Variants in LEKR1 observed in about 807,000 individuals in gnomAD.
LEKR1 encodes protein LEKR1.
A neutral mutation model predicts 72.4 loss-of-function variants in LEKR1; 59 were observed. The ratio of observed to expected loss-of-function variants is 0.82; its 90% CI spans 0.66 to 1.01. The LOEUF (loss-of-function observed/expected upper bound fraction) is 1.01. Ranked by LOEUF, LEKR1 falls within the 50% of genes least tolerant of loss-of-function variation. LEKR1 has a pLI of 0.00. For missense variants in LEKR1, 728 were observed against 759.2 expected (o/e 0.96, Z 0.48); for synonymous variants, 257 against 263.2 (o/e 0.98, Z 0.23).
At chr3:156,902,486 A>G (rs1001549667) in intron 3 of LEKR1, among the ~76,000 whole-genome samples, 2 of 152,184 alleles carry the variant, frequency 1.3e-5, no homozygotes, top group Non-Finnish European at 2.9e-5. Context: ...AATCTTTTAT[A>G]GACATTTTAT....
At chr3:156,838,524 C>T (rs1419980975) in intron 2 of LEKR1, among the ~76,000 whole-genome samples, 1 of 152,122 alleles carries the variant, frequency 6.6e-6, no homozygotes, top group Non-Finnish European at 1.5e-5. Context: ...AACCAAGACA[C>T]TTGAAGGAGC....
chr3:156,966,342 C>A (rs566741562), intron 6 of LEKR1, among the ~76,000 whole-genome samples: 2 of 152,016 alleles, frequency 1.3e-5, no homozygotes, highest in Non-Finnish European at 2.9e-5. Context: ...TCGCCTCACC[C>A]GGGAAGTGCA....
chr3:156,847,076 G>A (rs1423602437), intron 2 of LEKR1, among the ~76,000 whole-genome samples: 1 of 152,104 alleles, frequency 6.6e-6, no homozygotes, highest in Non-Finnish European at 1.5e-5. Flanking sequence ...CCAAAGCGCT[G>A]GGATCACAGG....
At chr3:157,017,948 CAA>C (rs58950224) in intron 10 of LEKR1, among the ~76,000 whole-genome samples, 2,282 of 82,646 alleles carry the variant, frequency 0.028, 61 homozygotes, top group African/African-American at 0.16. Flanking sequence ...GACTCTGTCT[CAA>C]AAAAAAAAAA....
At chr3:156,908,117 A>G (rs1187063122) in intron 3 of LEKR1, among the ~76,000 whole-genome samples, 2 of 152,190 alleles carry the variant, frequency 1.3e-5, no homozygotes, top group Non-Finnish European at 1.5e-5. Flanking sequence ...GGTGTGTGTC[A>G]TGATGTCAGT....
chr3:156,927,446 A>G lies in LEKR1; in HGVS notation c.401A>G (p.Tyr134Cys), dbSNP rs2108575480. ...CTTTGCAGTCAAAGATTGTCAGAGT[A>G]CAAATATTTCTGGAATAAGACTCTT... ...SYIFSQRLSE[Y>C]KYFWNKTLSL... Residue 134 changes from tyrosine to cysteine, a missense_variant, in exon 5 of 13, where the codon TAC (tyrosine) becomes TGC (cysteine). Tyr to Cys is a radical substitution (Grantham distance 194). Coordinates refer to ENST00000356539, the MANE Select transcript of LEKR1 (RefSeq NM_001004316.3). The G allele has an allele frequency of 9.0e-7, 1 of 1,114,250 alleles. No individual in the cohort carries two copies. Among genetic ancestry groups the G allele is most frequent in the Non-Finnish European group, 1.1e-6 (1 of 889,312 alleles). 69.0% of individuals were successfully genotyped at this position (1,114,250 alleles called of 1,614,324 possible).
At chr3:156,977,795 T>G in intron 6 of LEKR1, 2 of 223,894 alleles carry the variant, frequency 8.9e-6, no homozygotes, top group Middle Eastern at 5.0e-4. Flanking sequence ...CCATCTTGCC[T>G]TCTACAGGAA....
intron 3 of LEKR1, among the ~76,000 whole-genome samples, chr3:156,871,133 A>C (rs1717886778): frequency 6.6e-6 from 1 of 151,040 alleles, no homozygotes; most frequent in Non-Finnish European, 1.5e-5. Flanking sequence ...CAGTCCCCAG[A>C]GTGTGATGTT....
intron 2 of LEKR1, among the ~76,000 whole-genome samples, chr3:156,848,230 A>G (rs1208788999): frequency 6.6e-6 from 1 of 152,194 alleles, no homozygotes; most frequent in African/African-American, 2.4e-5. Flanking sequence ...CTGAGGGCTG[A>G]TAGTGTCTTT....
intron 9 of LEKR1, among the ~76,000 whole-genome samples, chr3:157,003,738 T>C (rs9819460): frequency 0.036 from 5,428 of 152,296 alleles, 342 homozygotes; most frequent in African/African-American, 0.12. Context: ...GATTCAGATA[T>C]GGACATCTTT....
chr3:156,948,107 T>G (rs912613206), intron 6 of LEKR1, among the ~76,000 whole-genome samples: 7 of 151,232 alleles, frequency 4.6e-5, no homozygotes, highest in African/African-American at 1.5e-4. Context: ...TTAAAAATTT[T>G]GGTAATATTG....
At chr3:156,950,703 G>A (rs1727080021) in intron 6 of LEKR1, among the ~76,000 whole-genome samples, 1 of 151,376 alleles carries the variant, frequency 6.6e-6, no homozygotes, top group Non-Finnish European at 1.5e-5. Flanking sequence ...GCTAGTGATT[G>A]TACATTGATT....
chr3:156,925,829 G>A (rs371304549), intron 4 of LEKR1, among the ~76,000 whole-genome samples: 1 of 152,030 alleles, frequency 6.6e-6, no homozygotes, highest in Non-Finnish European at 1.5e-5. Flanking sequence ...TGGAGGATCT[G>A]AGTAAGGGAA....
intron 9 of LEKR1, among the ~76,000 whole-genome samples, chr3:157,009,122 T>C (rs1215661058): frequency 6.6e-6 from 1 of 152,176 alleles, no homozygotes; most frequent in Non-Finnish European, 1.5e-5. Context: ...ATTATTACAG[T>C]GCTATTCTAT....
intron 12 of LEKR1, among the ~76,000 whole-genome samples, chr3:157,039,500 T>A (rs1204914507): frequency 2.0e-5 from 3 of 152,208 alleles, no homozygotes; most frequent in Admixed American, 2.0e-4. Flanking sequence ...ACGCCTGTAG[T>A]CCCAGCTACT....
intron 7 of LEKR1, among the ~76,000 whole-genome samples, chr3:156,984,671 G>A (rs781645980): frequency 6.6e-6 from 1 of 151,596 alleles, no homozygotes; most frequent in Non-Finnish European, 1.5e-5. Context: ...AGCGAGACTC[G>A]GTCTCAAAAA....
chr3:156,844,298 T>C (rs1714296858), intron 2 of LEKR1, among the ~76,000 whole-genome samples: 2 of 152,132 alleles, frequency 1.3e-5, no homozygotes, highest in South Asian at 4.1e-4. Context: ...AAACTTCTTA[T>C]TTTGAGATAA....
chr3:156,942,149 G>A (rs1197486133), intron 5 of LEKR1, among the ~76,000 whole-genome samples: 1 of 151,832 alleles, frequency 6.6e-6, no homozygotes, highest in African/African-American at 2.4e-5. Flanking sequence ...ACCAGCTCAT[G>A]CTAGAACATT....
chr3:156,834,998 A>G (rs893718266), intron 2 of LEKR1, among the ~76,000 whole-genome samples: 1 of 152,222 alleles, frequency 6.6e-6, no homozygotes, highest in African/African-American at 2.4e-5. Context: ...TTCTTTATGT[A>G]AACATCCCAC....
Sources: gnomAD v4.1 joint callset for allele counts (sites outside exome capture counted in the v4.1 genomes callset) on GRCh38, gnomAD v4.1.1 for gene constraint, MANE v1.5 for transcripts, NCBI Gene and HGNC (gene_info 2026-07-23, HGNC 2026-07-21) for gene names.